The following ZNF644 variants were observed in gnomAD, a reference collection of about 807,000 sequenced individuals.
ZNF644 encodes zinc finger motif enhancer binding protein 2.
A neutral mutation model predicts 108.0 loss-of-function variants in ZNF644; 20 were observed. The observed-to-expected ratio is 0.19, with a 90% CI of 0.13 to 0.27. ZNF644 has a LOEUF of 0.27. Ranked by LOEUF, ZNF644 falls within the 10% of genes least tolerant of loss-of-function variation. The probability of loss-of-function intolerance (pLI) is 1.00; values close to 1 mark genes in which losing one functional copy is unlikely to be tolerated. For missense variants in ZNF644, 1,338 were observed against 1,548.9 expected (o/e 0.86, Z 2.29); for synonymous variants, 542 against 539.1 (o/e 1.01, Z -0.08).
At chr1:90,977,061 A>G (rs913008646) in intron 2 of ZNF644, among the ~76,000 whole-genome samples, 4 of 152,034 alleles carry the variant, frequency 2.6e-5, no homozygotes, top group African/African-American at 9.7e-5. Flanking sequence ...AAAGGAGTTC[A>G]CTCACATTAA....
chr1:90,934,042 T>C (rs1361716843), intron 4 of ZNF644, among the ~76,000 whole-genome samples: 1 of 152,226 alleles, frequency 6.6e-6, no homozygotes, highest in Non-Finnish European at 1.5e-5. Context: ...GTAACAATAA[T>C]GATTTCCTAC....
chr1:90,921,746 A>G (rs1649463447), intron 4 of ZNF644, among the ~76,000 whole-genome samples: 1 of 152,116 alleles, frequency 6.6e-6, no homozygotes, highest in South Asian at 2.1e-4. Flanking sequence ...ATGCAAAAAA[A>G]AAAAATAGAA....
At chr1:91,002,488 C>G (rs1027417988) in intron 1 of ZNF644, among the ~76,000 whole-genome samples, 14 of 152,192 alleles carry the variant, frequency 9.2e-5, no homozygotes, top group Admixed American at 1.3e-4. Flanking sequence ...GTAGAAAGCT[C>G]AAACTGGATC....
intron 2 of ZNF644, among the ~76,000 whole-genome samples, chr1:90,970,081 A>G (rs1655306551): frequency 6.6e-6 from 1 of 152,260 alleles, no homozygotes; most frequent in African/African-American, 2.4e-5. Flanking sequence ...TTTAGACATA[A>G]GAACAAGTTT....
intron 2 of ZNF644, among the ~76,000 whole-genome samples, chr1:90,956,972 C>T (rs1240568071): frequency 6.6e-6 from 1 of 152,066 alleles, no homozygotes; most frequent in Admixed American, 6.6e-5. Flanking sequence ...TGGGGGAACA[C>T]TGGTACCAAC....
chr1:90,994,621 G>C (rs1224637965), intron 1 of ZNF644, among the ~76,000 whole-genome samples: 1 of 152,230 alleles, frequency 6.6e-6, no homozygotes, highest in Admixed American at 6.5e-5. Flanking sequence ...CTGTATTACT[G>C]AATCTGTTGC....
intron 1 of ZNF644, among the ~76,000 whole-genome samples, chr1:90,983,792 T>A (rs188495918): frequency 1.4e-3 from 209 of 152,300 alleles, no homozygotes; most frequent in Admixed American, 5.4e-3. Flanking sequence ...CTGGGCGTGG[T>A]GGCACGCGCC....
At chr1:90,974,771 A>G (rs201614470) in intron 2 of ZNF644, among the ~76,000 whole-genome samples, 1 of 152,166 alleles carries the variant, frequency 6.6e-6, no homozygotes, top group Non-Finnish European at 1.5e-5. Flanking sequence ...CCCCATTTTA[A>G]TTAGGTTCAT....
chr1:90,939,318 T>C lies in ZNF644; in HGVS notation c.2036A>G (p.Lys679Arg), dbSNP rs1651693514. 2 of 1,614,004 alleles carry C rather than the reference T, an allele frequency of 1.2e-6. No individual in the cohort carries two copies. Among genetic ancestry groups the C allele is most frequent in the Non-Finnish European group, 1.7e-6 (2 of 1,179,912 alleles). Residue 679 changes from lysine (K) to arginine (R), a missense_variant, in exon 3 of 6, where the codon AAG becomes AGG. Lys to Arg is a conservative substitution (Grantham distance 26). Coordinates refer to ENST00000337393, the MANE Select transcript of ZNF644 (RefSeq NM_201269.3). The part of the protein sequence containing the change: ...SQSSSFSKIH[K>R]RPHRIQKARK... ...AGCTTTCTGTATTCTGTGTGGCCGC[T>C]TATGAATTTTTGAAAAACTACTTGA...
chr1:90,997,440 C>CA (rs534704401), intron 1 of ZNF644, among the ~76,000 whole-genome samples: 27 of 146,494 alleles, frequency 1.8e-4, no homozygotes, highest in East Asian at 1.0e-3. Context: ...GAATTAGTTT[C>CA]AAAAAAAAAA....
intron 1 of ZNF644, among the ~76,000 whole-genome samples, chr1:90,987,291 A>G (rs1657204856): frequency 6.7e-6 from 1 of 150,272 alleles, no homozygotes; most frequent in African/African-American, 2.4e-5. Flanking sequence ...CAAAATCAAT[A>G]AACTCTTTAG....
chr1:91,002,111 A>AT, intron 1 of ZNF644, among the ~76,000 whole-genome samples: 1 of 152,300 alleles, frequency 6.6e-6, no homozygotes, highest in South Asian at 2.1e-4. Context: ...GCCCAAGGTA[A>AT]TTTATAGATT....
intron 1 of ZNF644, among the ~76,000 whole-genome samples, chr1:91,009,316 T>C (rs1001712939): frequency 6.6e-6 from 1 of 151,920 alleles, no homozygotes; most frequent in African/African-American, 2.4e-5. Context: ...TTCTATTTCC[T>C]AACTCTTAAA....
chr1:90,937,663 T>C lies in ZNF644; in HGVS notation c.3510A>G (p.Thr1170=). Residue 1170 remains threonine (T), a synonymous_variant, in exon 4 of 6, where the codon ACA becomes ACG. Transcript: ENST00000337393. ...LPSGKKNQSL[T]LIELLKNKRM... Reference sequence around the variant, plus strand: ...TTTTATTTTTAAGAAGTTCTATGAGTGTAAGAGACTGATTCTTTTTCCCAC... The same window carrying C: ...TTTTATTTTTAAGAAGTTCTATGAGCGTAAGAGACTGATTCTTTTTCCCAC... 1.2e-6 allele frequency: 2 copies of C among 1,613,954 alleles called. No individual in the cohort carries two copies. Among genetic ancestry groups the C allele is most frequent in the Non-Finnish European group, 1.7e-6 (2 of 1,179,894 alleles).
At chr1:90,992,590 T>G (rs904747843) in intron 1 of ZNF644, among the ~76,000 whole-genome samples, 1 of 152,152 alleles carries the variant, frequency 6.6e-6, no homozygotes, top group African/African-American at 2.4e-5. Flanking sequence ...CTGCCCCAAT[T>G]TCTATATGCA....
At chr1:90,973,785 C>T (rs1655735688) in intron 2 of ZNF644, among the ~76,000 whole-genome samples, 1 of 152,052 alleles carries the variant, frequency 6.6e-6, no homozygotes, top group Admixed American at 6.6e-5. Context: ...TCTTGTGATA[C>T]TTTTAAGTCA....
chr1:90,936,344 T>C (rs1012201173), intron 4 of ZNF644, among the ~76,000 whole-genome samples: 1 of 152,162 alleles, frequency 6.6e-6, no homozygotes, highest in African/African-American at 2.4e-5. Context: ...AGCTAACACA[T>C]CTTCCCTGCG....
intron 4 of ZNF644, among the ~76,000 whole-genome samples, chr1:90,926,169 G>A (rs1650010367): frequency 6.6e-6 from 1 of 152,146 alleles, no homozygotes; most frequent in Non-Finnish European, 1.5e-5. Flanking sequence ...ATCACCAACT[G>A]GTTCTAGCTG....
At chr1:90,929,660 T>C (rs1650492775) in intron 4 of ZNF644, among the ~76,000 whole-genome samples, 1 of 152,204 alleles carries the variant, frequency 6.6e-6, no homozygotes, top group South Asian at 2.1e-4. Flanking sequence ...CATCAGAAAG[T>C]GCTCCCATAG....
Sources: gnomAD v4.1 joint callset for allele counts (sites outside exome capture counted in the v4.1 genomes callset) on GRCh38, gnomAD v4.1.1 for gene constraint, MANE v1.5 for transcripts, NCBI Gene and HGNC (gene_info 2026-07-23, HGNC 2026-07-21) for gene names.